RPL11: variants seen among roughly 807,000 people sequenced by gnomAD.
RPL11 encodes the protein ribosomal protein L11.
RPL11 carries 3 observed loss-of-function variants against 24.1 expected under a neutral mutation model. The observed-to-expected ratio is 0.12, with a 90% CI of 0.06 to 0.32. The LOEUF is 0.32. Ranked by LOEUF, RPL11 falls within the 10% of genes least tolerant of loss-of-function variation. The probability of loss-of-function intolerance (pLI) is 1.00; values close to 1 mark genes in which losing one functional copy is unlikely to be tolerated. For synonymous variants in RPL11, 96 were observed against 75.7 expected (o/e 1.27, Z -1.39); for missense variants, 146 against 225.7 (o/e 0.65, Z 2.26).
intron 2 of RPL11, 103 bp downstream of exon 2, chr1:23,692,862 A>G: frequency 1.4e-6 from 2 of 1,472,110 alleles, no homozygotes; most frequent in South Asian, 2.3e-5. Context: ...AGTCGGCATC[A>G]CTTAAAGCAT....
chr1:23,696,453 C>T lies in RPL11; in HGVS notation c.*80C>T. 6.9e-7 allele frequency: 1 copy of T among 1,451,078 alleles called. No individual in the cohort carries two copies. Among genetic ancestry groups the T allele is most frequent in the Non-Finnish European group, 9.7e-7 (1 of 1,035,392 alleles). The allele number at this position is 1,451,078 out of a possible 1,614,324, so 89.9% of individuals were successfully genotyped here. On this transcript the variant is annotated 3_prime_UTR_variant, in exon 6 of 6. Coordinates refer to ENST00000643754, the MANE Select transcript of RPL11 (RefSeq NM_000975.5). ...CTGTTGTGTGTTCTGTGAAAGGATC[C>T]TGGCCATATTCAAGTCCTTGGACCT...
intron 1 of RPL11, chr1:23,692,326 C>T (rs1644505662): frequency 4.4e-6 from 2 of 451,164 alleles, no homozygotes; most frequent in East Asian, 4.4e-5. Context: ...TGGGGGCGCT[C>T]TTTGTTACCC....
chr1:23,696,540 G>A lies in RPL11; in HGVS notation c.*167G>A. 1.4e-6 allele frequency: 1 copy of A among 696,552 alleles called. No homozygotes were observed. Among genetic ancestry groups the A allele is most frequent in the Non-Finnish European group, 2.6e-6 (1 of 388,282 alleles). 43.1% of individuals were successfully genotyped at this position (696,552 alleles called of 1,614,324 possible). On this transcript the variant is annotated 3_prime_UTR_variant, in exon 6 of 6. Coordinates refer to ENST00000643754, the MANE Select transcript of RPL11 (RefSeq NM_000975.5). ...CAACCCCGTCATCCTCTGATTGGAT[G>A]CCAGTATTTCCTGGCAGATCCAAGT...
chr1:23,695,728 A>C (rs1644529261), intron 4 of RPL11, 70 bp from the exon 5 acceptor site: 2 of 1,346,780 alleles, frequency 1.5e-6, no homozygotes, highest in African/African-American at 2.9e-5. Context: ...TCTGTCTGTA[A>C]TGTGTGAGTC....
chr1:23,693,344 T>C (rs937579175), intron 2 of RPL11, among the ~76,000 whole-genome samples: 5 of 152,222 alleles, frequency 3.3e-5, no homozygotes, highest in African/African-American at 1.2e-4. Flanking sequence ...CAGTGAAATA[T>C]GGCAAGTCTT....
rs752637748 is a variant in RPL11, at chr1:23,691,842, G to T, written c.6+13G>T. 1.9e-6 allele frequency: 3 copies of T among 1,614,118 alleles called. No homozygotes were observed. The highest frequency in any genetic ancestry group is 1.3e-5 in the African/African-American group (1 of 74,946). ...CTCCATCATGGCGGTGAGTAGCTGG[G>T]ACCTGGATTTGCTTTCCTTTATCCG... On this transcript the variant is annotated intron_variant, in intron 1 of 5. Coordinates refer to ENST00000643754, the MANE Select transcript of RPL11 (RefSeq NM_000975.5).
chr1:23,692,112 G>A, intron 1 of RPL11: 1 of 552,430 alleles, frequency 1.8e-6, no homozygotes, highest in East Asian at 3.1e-5. Context: ...TTCTGAGGCA[G>A]GGGGGTCCGG....
chr1:23,696,226 A>G, intron 5 of RPL11, 118 bp from the exon 6 acceptor site: 1 of 976,244 alleles, frequency 1.0e-6, no homozygotes, highest in Non-Finnish European at 1.6e-6. Flanking sequence ...CCAGAAAAGG[A>G]TGGGATTCAG....
At chr1:23,693,334 C>T (rs370301507) in intron 2 of RPL11, among the ~76,000 whole-genome samples, 1 of 152,130 alleles carries the variant, frequency 6.6e-6, no homozygotes, top group East Asian at 1.9e-4. Flanking sequence ...TGCTTTAGGA[C>T]AGTGAAATAT....
At chr1:23,691,950 C>G (rs1008249757) in intron 1 of RPL11, 121 bp downstream of exon 1, 2 of 1,295,594 alleles carry the variant, frequency 1.5e-6, no homozygotes, top group African/African-American at 2.9e-5. Context: ...CCTGCTGGCC[C>G]AAAACTAGCA....
chr1:23,691,910 C>T (rs566139592), intron 1 of RPL11, 81 bp downstream of exon 1: 8 of 1,591,818 alleles, frequency 5.0e-6, no homozygotes, highest in African/African-American at 1.3e-5. Context: ...CTACTTCGCC[C>T]GCAGCCCGAG....
chr1:23,692,783 G>A (rs373459980), intron 2 of RPL11, 24 bp downstream of exon 2: 7 of 1,612,322 alleles, frequency 4.3e-6, no homozygotes, highest in Non-Finnish European at 5.9e-6. Context: ...AGGACATACA[G>A]GGTTTGCCTG....
At position 23,692,749 on chromosome 1, in the gene RPL11, G is replaced by A; in HGVS notation, c.147G>A (p.Val49=). 1 of 1,613,690 alleles carries A rather than the reference G, an allele frequency of 6.2e-7. No individual in the cohort carries two copies. Among genetic ancestry groups the A allele is most frequent in the Non-Finnish European group, 8.5e-7 (1 of 1,179,980 alleles). The change falls in exon 2 of 6, where the codon GTG becomes GTA. Residue 49 remains valine (V), a synonymous_variant. Coordinates refer to ENST00000643754, the MANE Select transcript of RPL11 (RefSeq NM_000975.5). ...VLEQLTGQTP[V]FSKARYTVRS... Reference sequence around the variant, plus strand: ...AGCAGCTCACAGGGCAGACCCCTGTGTTTTCCAAAGGTGAGTAGTCACAAG... The same window carrying A: ...AGCAGCTCACAGGGCAGACCCCTGTATTTTCCAAAGGTGAGTAGTCACAAG...
rs1406642805 is a variant in RPL11 at position 23,693,977 on chromosome 1, G to A, written c.264+64G>A. Reference sequence around the variant, plus strand: ...CTCCTTTAGTAACACATGTAGATAAGTTACATTTAATGTTCTGTTCTTTGG... The same window carrying A: ...CTCCTTTAGTAACACATGTAGATAAATTACATTTAATGTTCTGTTCTTTGG... On this transcript the variant is annotated intron_variant, in intron 3 of 5. Transcript: ENST00000643754. 10 of 1,186,712 alleles carry A rather than the reference G, an allele frequency of 8.4e-6. No individual in the cohort carries two copies. In the Admixed American group the frequency reaches 1.6e-4, roughly 19 times the overall value. 73.5% of individuals were successfully genotyped at this position (1,186,712 alleles called of 1,614,324 possible). A position where few individuals can be genotyped will look rare whatever the true frequency, so the allele number is the denominator to read the frequency against.
At chr1:23,693,733 A>G in intron 2 of RPL11, 74 bp from the exon 3 acceptor site, 1 of 975,964 alleles carries the variant, frequency 1.0e-6, no homozygotes, top group Non-Finnish European at 1.7e-6. Context: ...AGTCATGGAG[A>G]TGGTGTTCTG....
At position 23,696,430 on chromosome 1, in the gene RPL11, G is replaced by A. The variant is rs997976618; in HGVS notation, c.*57G>A. Reference sequence around the variant, plus strand: ...AGTTTTCAGTGAAATGTGCAATTCTGTTGTGTGTTCTGTGAAAGGATCCTG... The same window carrying A: ...AGTTTTCAGTGAAATGTGCAATTCTATTGTGTGTTCTGTGAAAGGATCCTG... On this transcript the variant is annotated 3_prime_UTR_variant, in exon 6 of 6. Coordinates refer to ENST00000643754, the MANE Select transcript of RPL11 (RefSeq NM_000975.5). The A allele has an allele frequency of 2.6e-6, 4 of 1,551,180 alleles. No individual in the cohort carries two copies. Among genetic ancestry groups the A allele is most frequent in the Non-Finnish European group, 3.6e-6 (4 of 1,123,684 alleles).
chr1:23,694,523 G>A lies in RPL11; in HGVS notation c.265-137G>A, dbSNP rs527806564. On this transcript the variant is annotated intron_variant, in intron 3 of 5. Coordinates refer to ENST00000643754, the MANE Select transcript of RPL11 (RefSeq NM_000975.5). ...AGTCGAGGTATAGTGAGGAAGTCAG[G>A]TTGTGTTCTCAGCCAAGTTTCATTG... 35 of 1,159,596 alleles carry A rather than the reference G, an allele frequency of 3.0e-5. No individual in the cohort carries two copies. The South Asian group carries it at 4.4e-4, about 15-fold the overall frequency. 71.8% of individuals were successfully genotyped at this position (1,159,596 alleles called of 1,614,324 possible).
intron 1 of RPL11, 114 bp downstream of exon 1, chr1:23,691,943 G>C: frequency 1.4e-6 from 2 of 1,388,300 alleles, no homozygotes; most frequent in East Asian, 2.3e-5. Flanking sequence ...CGCAATGCCT[G>C]CTGGCCCAAA....
chr1:23,694,748 A>T lies in RPL11; in HGVS notation c.353A>T (p.Lys118Ile). ...GIQEHIDLGI[K>I]YDPSIGIYGL... ...CAGGAACACATCGATCTGGGTATCA[A>T]ATATGACCCAAGCATTGGTATCTAC... The change falls in exon 4 of 6, where the codon AAA becomes ATA. Residue 118 changes from lysine (K) to isoleucine (I), a missense_variant. Coordinates refer to ENST00000643754, the MANE Select transcript of RPL11 (RefSeq NM_000975.5). 6.2e-7 allele frequency: 1 copy of T among 1,614,234 alleles called. No homozygotes were observed. The highest frequency in any genetic ancestry group is 8.5e-7 in the Non-Finnish European group (1 of 1,180,050).
Sources: allele counts gnomAD v4.1 joint callset (sites outside exome capture counted in the v4.1 genomes callset), GRCh38; gene constraint gnomAD v4.1.1; transcripts MANE v1.5; gene names NCBI Gene and HGNC (gene_info 2026-07-23, HGNC 2026-07-21).